Variants in RBPMS2 observed in about 807,000 individuals in gnomAD.
The protein encoded by RBPMS2 is RNA-binding protein with multiple splicing 2.
RBPMS2 carries 14 observed loss-of-function variants against 25.7 expected under a neutral mutation model. The ratio of observed to expected loss-of-function variants is 0.55; its 90% CI spans 0.36 to 0.85. RBPMS2 has a LOEUF of 0.85. Among genes scored for constraint, RBPMS2 ranks in the 40% least tolerant of loss-of-function variants. RBPMS2 has a pLI of 0.01. For synonymous variants in RBPMS2, 127 were observed against 115.6 expected, an observed-to-expected ratio of 1.10 and a Z score of -0.63; for missense variants, 252 against 283.4, an observed-to-expected ratio of 0.89 and a Z score of 0.80.
rs999398258 is a variant in RBPMS2, at chr15:64,774,429, C to T, written c.87+804G>A. Among the ~76,000 whole-genome samples the T allele has an allele frequency of 2.0e-5, 3 of 152,240 alleles. No individual in the cohort carries two copies. The East Asian group carries it at 5.8e-4, about 30-fold the overall frequency. The stretch of plus-strand genomic sequence containing the variant: ...CACCCCACCCCGCACACACATCCTC[C>T]CTACCATCCATTAACCACCCAGCTG... On this transcript the variant is annotated intron_variant, in intron 1 of 7. Transcript: ENST00000300069.
At chr15:64,751,335 G>A (rs1420363870) in intron 2 of RBPMS2, among the ~76,000 whole-genome samples, 4 of 145,006 alleles carry the variant, frequency 2.8e-5, no homozygotes, top group Non-Finnish European at 4.5e-5. Context: ...TCGTCTCGAG[G>A]AAAAAAAAAA....
chr15:64,750,930 C>A (rs1409066410), intron 2 of RBPMS2, among the ~76,000 whole-genome samples: 3 of 151,818 alleles, frequency 2.0e-5, no homozygotes, highest in Non-Finnish European at 4.4e-5. Context: ...CCCAGCTACT[C>A]GGGAGGCAGA....
chr15:64,763,955 G>A (rs1035314793), intron 1 of RBPMS2, among the ~76,000 whole-genome samples: 1 of 152,182 alleles, frequency 6.6e-6, no homozygotes, highest in East Asian at 1.9e-4. Context: ...CCTTAATGTC[G>A]TGGGAACACA....
chr15:64,744,855 C>T (rs577954991), intron 6 of RBPMS2, among the ~76,000 whole-genome samples: 1 of 118,510 alleles, frequency 8.4e-6, no homozygotes, highest in South Asian at 2.9e-4. Flanking sequence ...CGCTCTGTCA[C>T]CCAGGCTAGA....
intron 1 of RBPMS2, among the ~76,000 whole-genome samples, chr15:64,771,599 GGGA>G (rs2083893529): frequency 6.6e-6 from 1 of 152,096 alleles, no homozygotes; most frequent in Admixed American, 6.5e-5. Flanking sequence ...ACTTGAACCT[GGGA>G]GGAGGTTGCA....
rs1749253030 is a variant in RBPMS2, at chr15:64,749,074, C to T, written c.344G>A (p.Ser115Asn). Residue 115 changes from serine to asparagine, a missense_variant, in exon 5 of 8, where the codon AGC becomes AAC. By Grantham distance (46) the Ser-to-Asn change is conservative. Transcript: ENST00000300069. Reference sequence around the variant, plus strand: ...GGGATTTGGAGTTGCCATTAGCTTGCTCTTGGCCATCTTGGTGTTGGCTTT... The same window carrying T: ...GGGATTTGGAGTTGCCATTAGCTTGTTCTTGGCCATCTTGGTGTTGGCTTT... ...FAKANTKMAK[S>N]KLMATPNPSN... is the part of the protein sequence containing the mutation. The T allele has an allele frequency of 6.2e-7, 1 of 1,614,206 alleles. No individual in the cohort carries two copies. Among genetic ancestry groups the T allele is most frequent in the African/African-American group, 1.3e-5 (1 of 75,056 alleles).
At chr15:64,762,641 A>C (rs1476967536) in intron 1 of RBPMS2, 1 of 431,192 alleles carries the variant, frequency 2.3e-6, no homozygotes, top group Admixed American at 2.7e-5. Flanking sequence ...CAGGAAGCCC[A>C]GGGTGAAGCC....
At chr15:64,752,551 T>C (rs1039128253) in intron 1 of RBPMS2, among the ~76,000 whole-genome samples, 13 of 152,142 alleles carry the variant, frequency 8.5e-5, no homozygotes, top group Admixed American at 7.9e-4. Flanking sequence ...GTCAAAACCA[T>C]TATGCTGAGT....
Position 64,748,424 on chromosome 15 carries a change from C to T in RBPMS2, c.562G>A (p.Ala188Thr), listed in dbSNP as rs141658779. ...CCCAACCTTAAAGGGCTTACCTGAG[C>T]GTGGAGGGCGGCGGCAGCGGCAGTG... Reference protein sequence around the residue: ...TATAAAAALHAQVRWYPSSDT... With the variant: ...TATAAAAALHTQVRWYPSSDT... Residue 188 changes from alanine to threonine, a missense_variant, in exon 6 of 8, where the codon GCT (alanine) becomes ACT (threonine). Physicochemically the swap from Ala to Thr is moderately conservative, Grantham distance 58. Transcript: ENST00000300069. 1.1e-4 allele frequency: 179 copies of T among 1,613,816 alleles called. No homozygotes were observed. The highest frequency in any genetic ancestry group is 5.6e-4 in the South Asian group (51 of 91,062).
At position 64,741,481 on chromosome 15, in the gene RBPMS2, G is replaced by A. The variant is rs113160116; in HGVS notation, c.568-239C>T. On this transcript the variant is annotated intron_variant, in intron 6 of 7. Transcript: ENST00000300069. ...TCCAGCGAAGGAAAGTCACGCAGGC[G>A]TCTCATACCCCAATCAGCCCAATCC... Among the ~76,000 whole-genome samples, 700 of 152,278 alleles carry A rather than the reference G, an allele frequency of 4.6e-3. 5 individuals are homozygous for A. The highest frequency in any genetic ancestry group is 0.016 in the African/African-American group (659 of 41,550).
chr15:64,742,511 T>C (rs560813242), intron 6 of RBPMS2, among the ~76,000 whole-genome samples: 26 of 152,214 alleles, frequency 1.7e-4, no homozygotes, highest in Non-Finnish European at 3.5e-4. Context: ...CTCCTCCCTG[T>C]GGGCCAGTCA....
In RBPMS2 at chr15:64,747,860, G is replaced by A. The variant is rs886497543; in HGVS notation, c.567+559C>T. Among the ~76,000 whole-genome samples, 8 of 152,306 alleles carry A rather than the reference G, an allele frequency of 5.3e-5. No individual in the cohort carries two copies. The East Asian group carries it at 1.2e-3, about 22-fold the overall frequency. ...CCGGCACAGGTTCACAGTGGACAGC[G>A]TCCAGCCTTCATGGAAGCGAGAGCC... On this transcript the variant is annotated intron_variant, in intron 6 of 7. Coordinates refer to ENST00000300069, the MANE Select transcript of RBPMS2 (RefSeq NM_194272.3).
Position 64,757,236 on chromosome 15 carries a change from GT to G in RBPMS2, c.88-5599del, listed in dbSNP as rs2083740941. On this transcript the variant is annotated intron_variant, in intron 1 of 7. Transcript: ENST00000300069. ...ATCCTTCTGCCCTGGCCTCCCCAAA[GT>G]GGTGGAATTACAGGTATGAGCCACC... Among the ~76,000 whole-genome samples the G allele has an allele frequency of 3.3e-5, 5 of 151,872 alleles. No individual in the cohort carries two copies. The South Asian group carries it at 1.0e-3, about 31-fold the overall frequency.
chr15:64,740,996 C>A lies in RBPMS2; in HGVS notation c.*12G>T. 1 of 548,672 alleles carries A rather than the reference C, an allele frequency of 1.8e-6. No homozygotes were observed. The highest frequency in any genetic ancestry group is 3.3e-6 in the Non-Finnish European group (1 of 306,712). The allele number at this position is 548,672 out of a possible 1,614,324, so 34.0% of individuals were successfully genotyped here. On this transcript the variant is annotated 3_prime_UTR_variant, in exon 8 of 8. Coordinates refer to ENST00000300069, the MANE Select transcript of RBPMS2 (RefSeq NM_194272.3). ...TTACCAGAACCACCTCCCCGGTGACCAGACCTGGAGGGAGGGAGAGAGGCG... is the reference window on the plus strand; with the variant it reads ...TTACCAGAACCACCTCCCCGGTGACAAGACCTGGAGGGAGGGAGAGAGGCG...
intron 1 of RBPMS2, among the ~76,000 whole-genome samples, chr15:64,765,705 G>A (rs1351380332): frequency 6.6e-6 from 1 of 152,196 alleles, no homozygotes; most frequent in Admixed American, 6.5e-5. Context: ...CAGCGCTCTG[G>A]GAGGCCGAGG....
At position 64,749,147 on chromosome 15, in the gene RBPMS2, T is replaced by C. The variant is rs1285588603; in HGVS notation, c.271A>G (p.Ile91Val). The C allele has an allele frequency of 1.9e-6, 3 of 1,614,006 alleles. No homozygotes were observed. The highest frequency in any genetic ancestry group is 2.5e-6 in the Non-Finnish European group (3 of 1,180,014). ...AEAAKNALNGIRFDPENPQTL... is the reference protein window; with the variant it reads ...AEAAKNALNGVRFDPENPQTL... ...TGTGGATTTTCGGGATCAAAGCGAATACCCTACATGGGTAGAGAAAAGAAG... is the reference window on the plus strand; with the variant it reads ...TGTGGATTTTCGGGATCAAAGCGAACACCCTACATGGGTAGAGAAAAGAAG... The change falls in exon 5 of 8, where the codon ATT becomes GTT. Residue 91 changes from isoleucine (I) to valine (V), a missense_variant. Ile to Val is a conservative substitution (Grantham distance 29). Coordinates refer to ENST00000300069, the MANE Select transcript of RBPMS2 (RefSeq NM_194272.3).
intron 1 of RBPMS2, among the ~76,000 whole-genome samples, chr15:64,759,312 C>T (rs1486066753): frequency 6.6e-6 from 1 of 152,202 alleles, no homozygotes; most frequent in Non-Finnish European, 1.5e-5. Flanking sequence ...TTGGACCATG[C>T]TGTCTAATCC....
chr15:64,772,643 A>C lies in RBPMS2; in HGVS notation c.87+2590T>G, dbSNP rs1441335485. Among the ~76,000 whole-genome samples, 6 of 151,324 alleles carry C rather than the reference A, an allele frequency of 4.0e-5. No homozygotes were observed. In the East Asian group the frequency reaches 1.2e-3, roughly 29 times the overall value. On this transcript the variant is annotated intron_variant, in intron 1 of 7. Coordinates refer to ENST00000300069, the MANE Select transcript of RBPMS2 (RefSeq NM_194272.3). ...ACCTACCTCCTCACTTATACATGCG[A>C]CTCCCTCCTCTTGGAATGCCTTTTC...
At chr15:64,772,863 C>T (rs1442701702) in intron 1 of RBPMS2, among the ~76,000 whole-genome samples, 6 of 152,152 alleles carry the variant, frequency 3.9e-5, no homozygotes, top group Non-Finnish European at 8.8e-5. Flanking sequence ...GTATCCTTAA[C>T]CCCTGGGTCC....
Sources: gnomAD v4.1 joint callset for allele counts (sites outside exome capture counted in the v4.1 genomes callset) on GRCh38, gnomAD v4.1.1 for gene constraint, MANE v1.5 for transcripts, NCBI Gene and HGNC (gene_info 2026-07-23, HGNC 2026-07-21) for gene names.